AGBL4: variants seen among roughly 807,000 people sequenced by gnomAD.
AGBL4 encodes cytosolic carboxypeptidase 6.
In AGBL4, 58 loss-of-function variants were observed where a neutral mutation model predicts 66.4. That is an observed-to-expected ratio of 0.87 (90% confidence interval 0.71 to 1.09). The LOEUF is 1.09. Among genes scored for constraint, AGBL4 ranks in the 50% least tolerant of loss-of-function variants. AGBL4 has a pLI of 0.00. For missense variants in AGBL4, 579 were observed against 631.0 expected (o/e 0.92, Z 0.88); for synonymous variants, 234 against 222.9 (o/e 1.05, Z -0.44).
At chr1:48,618,989 G>A (rs992534385) in intron 9 of AGBL4, among the ~76,000 whole-genome samples, 2 of 151,924 alleles carry the variant, frequency 1.3e-5, no homozygotes, top group African/African-American at 4.8e-5. Flanking sequence ...TTCTAGGTTG[G>A]CTGCTTCCAT....
At chr1:49,891,011 G>C (rs1648588411) in intron 1 of AGBL4, among the ~76,000 whole-genome samples, 1 of 151,996 alleles carries the variant, frequency 6.6e-6, no homozygotes, top group Non-Finnish European at 1.5e-5. Context: ...TGAGAGAGGA[G>C]GTACTACTTT....
chr1:49,768,855 CTTT>C (rs775413604), intron 2 of AGBL4, among the ~76,000 whole-genome samples: 1 of 145,720 alleles, frequency 6.9e-6, no homozygotes, highest in African/African-American at 2.5e-5. Flanking sequence ...AAAATCAGGA[CTTT>C]TTTTTTTTTG....
intron 10 of AGBL4, among the ~76,000 whole-genome samples, chr1:48,587,613 ATTATTTTATTTATT>A (rs1444600911): frequency 6.2e-5 from 9 of 146,182 alleles, no homozygotes; most frequent in African/African-American, 2.0e-4. Context: ...TTTTATTATT[ATTATTTTATTTATT>A]TTATTTTATT....
intron 11 of AGBL4, among the ~76,000 whole-genome samples, chr1:48,577,807 G>C (rs1277782399): frequency 6.6e-6 from 1 of 152,166 alleles, no homozygotes; most frequent in Non-Finnish European, 1.5e-5. Context: ...TGAGGGGTGA[G>C]AGTAAGGGCT....
intron 3 of AGBL4, among the ~76,000 whole-genome samples, chr1:49,596,125 A>T (rs1323388232): frequency 6.6e-6 from 1 of 152,176 alleles, no homozygotes; most frequent in Non-Finnish European, 1.5e-5. Context: ...ATGTGTCTTG[A>T]GGAGCCTGTG....
intron 6 of AGBL4, among the ~76,000 whole-genome samples, chr1:48,787,827 G>T (rs577056980): frequency 6.6e-6 from 1 of 152,214 alleles, no homozygotes; most frequent in Non-Finnish European, 1.5e-5. Flanking sequence ...TGGGACTCTG[G>T]ATAGTGGCCA....
intron 2 of AGBL4, among the ~76,000 whole-genome samples, chr1:49,839,364 T>C (rs977421258): frequency 2.6e-5 from 4 of 152,168 alleles, no homozygotes; most frequent in Non-Finnish European, 4.4e-5. Flanking sequence ...TTTCTAGACA[T>C]AGTGAAACTC....
intron 12 of AGBL4, among the ~76,000 whole-genome samples, chr1:48,539,417 C>T (rs1270086822): frequency 6.6e-6 from 1 of 152,116 alleles, no homozygotes; most frequent in Non-Finnish European, 1.5e-5. Context: ...TAAGTTAGAA[C>T]CAGAAATGTG....
intron 6 of AGBL4, among the ~76,000 whole-genome samples, chr1:48,711,843 C>G (rs532413854): frequency 1.3e-5 from 2 of 152,258 alleles, no homozygotes; most frequent in Non-Finnish European, 1.5e-5. Context: ...AATCTTCTTG[C>G]TTCCAGCCTG....
At chr1:49,848,985 T>G (rs1003246279) in intron 2 of AGBL4, among the ~76,000 whole-genome samples, 1 of 152,126 alleles carries the variant, frequency 6.6e-6, no homozygotes, top group Non-Finnish European at 1.5e-5. Context: ...GAAAATTTAA[T>G]GACATTGGCT....
At chr1:49,124,391 T>C (rs1645723784) in intron 4 of AGBL4, among the ~76,000 whole-genome samples, 1 of 152,182 alleles carries the variant, frequency 6.6e-6, no homozygotes, top group Non-Finnish European at 1.5e-5. Context: ...AGAGAAATTT[T>C]CTACCAGCAT....
intron 6 of AGBL4, among the ~76,000 whole-genome samples, chr1:48,753,980 T>C (rs1301293906): frequency 6.6e-6 from 1 of 152,190 alleles, no homozygotes; most frequent in East Asian, 1.9e-4. Context: ...GCGTACATAT[T>C]TGTGTTCCCT....
chr1:49,380,042 G>T (rs1032444473), intron 3 of AGBL4, among the ~76,000 whole-genome samples: 41 of 152,210 alleles, frequency 2.7e-4, no homozygotes, highest in Admixed American at 2.4e-3. Flanking sequence ...ATTCAATTAG[G>T]AAAAGAGGAA....
At chr1:48,982,260 T>C (rs3127554) in intron 5 of AGBL4, among the ~76,000 whole-genome samples, 80,960 of 152,028 alleles carry the variant, frequency 0.53, 21,880 homozygotes, top group Non-Finnish European at 0.58. Context: ...GTTTGTTACA[T>C]ATATATACAT....
intron 3 of AGBL4, among the ~76,000 whole-genome samples, chr1:49,348,147 G>T (rs1032131943): frequency 1.3e-5 from 2 of 152,066 alleles, no homozygotes; most frequent in Admixed American, 6.6e-5. Flanking sequence ...AGCCAGGCGC[G>T]TTGGCTCACG....
rs61783565 is a variant in AGBL4, at chr1:49,101,203, A to G, written c.378-55403T>C. Among the ~76,000 whole-genome samples the G allele has an allele frequency of 1.3e-3, 191 of 149,732 alleles. 2 individuals are homozygous for G. In the Middle Eastern group the frequency reaches 0.017, roughly 13 times the overall value. ...ACTTTTTATTCTTTTTTTTTTTTTA[A>G]TTGAGACAGAGTTTCACTCCATCAC... On this transcript the variant is annotated intron_variant, in intron 4 of 13. Coordinates refer to ENST00000371839, the MANE Select transcript of AGBL4 (RefSeq NM_032785.4).
At chr1:49,033,601 C>T (rs1212249577) in intron 5 of AGBL4, among the ~76,000 whole-genome samples, 2 of 151,958 alleles carry the variant, frequency 1.3e-5, no homozygotes, top group Non-Finnish European at 2.9e-5. Flanking sequence ...GTCATCAGTC[C>T]TCTCTCACCT....
At chr1:49,869,042 A>G (rs148787666) in intron 1 of AGBL4, among the ~76,000 whole-genome samples, 1 of 152,198 alleles carries the variant, frequency 6.6e-6, no homozygotes, top group African/African-American at 2.4e-5. Context: ...CAAAATCACA[A>G]TGAGATACCA....
chr1:48,743,833 G>A (rs1015453822), intron 6 of AGBL4, among the ~76,000 whole-genome samples: 2 of 152,346 alleles, frequency 1.3e-5, no homozygotes, highest in East Asian at 3.9e-4. Flanking sequence ...TGGTGGCAGT[G>A]AAGGTCCTGG....
Sources: gnomAD v4.1 joint callset for allele counts (sites outside exome capture counted in the v4.1 genomes callset) on GRCh38, gnomAD v4.1.1 for gene constraint, MANE v1.5 for transcripts, NCBI Gene and HGNC (gene_info 2026-07-23, HGNC 2026-07-21) for gene names.